Variants in NRG1 observed in about 807,000 individuals in gnomAD.
NRG1 encodes neuregulin 1, also known as pro-neuregulin-1, membrane-bound isoform.
Under a neutral mutation model 63.8 loss-of-function variants are expected in NRG1, and 18 were observed. The ratio of observed to expected loss-of-function variants is 0.28; its 90% CI spans 0.19 to 0.42. The LOEUF (loss-of-function observed/expected upper bound fraction) is 0.42. Ranked by LOEUF, NRG1 falls within the 10% of genes least tolerant of loss-of-function variation. The probability of loss-of-function intolerance (pLI) is 1.00; values close to 1 mark genes in which losing one functional copy is unlikely to be tolerated. For synonymous variants in NRG1, 302 were observed against 301.3 expected (o/e 1.00, Z -0.02); for missense variants, 762 against 814.7 (o/e 0.94, Z 0.79).
Position 31,754,013 on chromosome 8 carries a change from T to C in NRG1, c.37+114582T>C, listed in dbSNP as rs532634555. 7.2e-5 allele frequency among the ~76,000 whole-genome samples: 11 copies of C among 152,250 alleles called. No homozygotes were observed. The East Asian group carries it at 1.9e-3, about 27-fold the overall frequency. On this transcript the variant is annotated intron_variant, in intron 1 of 10. Transcript: ENST00000519301. ...CTAACAACTTAAAGATGTTAAAGTA[T>C]GTTGTTCACATCTGCCTCAATATAA... is the stretch of plus-strand genomic sequence containing the variant.
intron 1 of NRG1, among the ~76,000 whole-genome samples, chr8:32,353,445 T>A (rs1299423048): frequency 6.6e-6 from 1 of 151,972 alleles, no homozygotes; most frequent in Non-Finnish European, 1.5e-5. Context: ...TAATGAAACA[T>A]TATATTTTAA....
At chr8:32,679,486 G>A (rs907172656) in intron 5 of NRG1, among the ~76,000 whole-genome samples, 8 of 151,984 alleles carry the variant, frequency 5.3e-5, no homozygotes, top group Non-Finnish European at 1.2e-4. Context: ...AAAAAATTAA[G>A]CATTTAGCTC....
At chr8:32,214,554 G>T (rs1739330883) in intron 1 of NRG1, among the ~76,000 whole-genome samples, 1 of 152,024 alleles carries the variant, frequency 6.6e-6, no homozygotes, top group Admixed American at 6.6e-5. Flanking sequence ...GAGGTGGGAG[G>T]ATCACTTGAT....
At chr8:32,470,325 C>T (rs1263807207) in intron 1 of NRG1, among the ~76,000 whole-genome samples, 2 of 151,918 alleles carry the variant, frequency 1.3e-5, no homozygotes, top group South Asian at 2.1e-4. Context: ...GGACTACAGG[C>T]GCCCGCCACC....
At chr8:31,799,732 A>G (rs530467004) in intron 1 of NRG1, among the ~76,000 whole-genome samples, 19 of 152,160 alleles carry the variant, frequency 1.2e-4, no homozygotes, top group Non-Finnish European at 2.5e-4. Context: ...GTATGCATAG[A>G]TATATGTACG....
At chr8:32,087,868 T>A (rs1302357049) in intron 1 of NRG1, among the ~76,000 whole-genome samples, 3 of 152,232 alleles carry the variant, frequency 2.0e-5, no homozygotes, top group African/African-American at 7.2e-5. Context: ...TAGTGTGATG[T>A]CTTCCAGGCA....
chr8:31,941,313 T>A (rs1457768810), intron 1 of NRG1, among the ~76,000 whole-genome samples: 3 of 152,070 alleles, frequency 2.0e-5, no homozygotes, highest in Non-Finnish European at 2.9e-5. Flanking sequence ...ATTGTCTCAA[T>A]AGACACAGAA....
intron 1 of NRG1, among the ~76,000 whole-genome samples, chr8:32,331,387 T>C (rs962791756): frequency 1.7e-5 from 2 of 118,090 alleles, no homozygotes; most frequent in East Asian, 2.4e-4. Context: ...AAAAAATAGC[T>C]GGGTGTGGTG....
At chr8:32,124,910 A>C (rs1372403645) in intron 1 of NRG1, among the ~76,000 whole-genome samples, 1 of 151,884 alleles carries the variant, frequency 6.6e-6, no homozygotes, top group Non-Finnish European at 1.5e-5. Flanking sequence ...ACATGGGAAA[A>C]TAGACACTAC....
chr8:32,144,564 A>G (rs1229052307), intron 1 of NRG1, among the ~76,000 whole-genome samples: 1 of 152,154 alleles, frequency 6.6e-6, no homozygotes, highest in Non-Finnish European at 1.5e-5. Flanking sequence ...CAGGTAATTC[A>G]CCTATCACTA....
At chr8:32,439,789 G>A (rs1229273983) in intron 1 of NRG1, among the ~76,000 whole-genome samples, 2 of 86,710 alleles carry the variant, frequency 2.3e-5, no homozygotes, top group Non-Finnish European at 4.8e-5. Flanking sequence ...TTTTTTTTTT[G>A]AGGCAGGGTC....
At chr8:32,175,288 A>G (rs983511503) in intron 1 of NRG1, among the ~76,000 whole-genome samples, 1 of 152,226 alleles carries the variant, frequency 6.6e-6, no homozygotes, top group Admixed American at 6.5e-5. Flanking sequence ...ACAACTCTTC[A>G]TGCTAAAAAC....
chr8:31,828,285 T>C (rs761088133), intron 1 of NRG1, among the ~76,000 whole-genome samples: 4 of 152,334 alleles, frequency 2.6e-5, no homozygotes, highest in East Asian at 1.9e-4. Flanking sequence ...GTGACTGTAG[T>C]AGTTTGGGAA....
chr8:31,889,415 A>T (rs796110063), intron 1 of NRG1, among the ~76,000 whole-genome samples: 5 of 152,296 alleles, frequency 3.3e-5, no homozygotes, highest in African/African-American at 1.2e-4. Flanking sequence ...CCCTTCAAAC[A>T]TCCCATGGAA....
At chr8:31,950,020 T>G (rs1803223219) in intron 1 of NRG1, among the ~76,000 whole-genome samples, 1 of 152,214 alleles carries the variant, frequency 6.6e-6, no homozygotes, top group Non-Finnish European at 1.5e-5. Flanking sequence ...TCCCACTTTT[T>G]CCTTCTATCC....
At chr8:32,388,973 A>G (rs1439618463) in intron 1 of NRG1, among the ~76,000 whole-genome samples, 1 of 152,220 alleles carries the variant, frequency 6.6e-6, no homozygotes, top group Non-Finnish European at 1.5e-5. Context: ...TGCTTTAAAA[A>G]TTCATATTAG....
chr8:32,723,688 C>CAAAA (rs530225180), intron 5 of NRG1, among the ~76,000 whole-genome samples: 11 of 33,848 alleles, frequency 3.2e-4, no homozygotes, highest in East Asian at 1.6e-3. Flanking sequence ...GACTCCATCT[C>CAAAA]AAAAAAAAAA....
At chr8:32,005,143 A>C (rs1374520660) in intron 1 of NRG1, among the ~76,000 whole-genome samples, 1 of 150,748 alleles carries the variant, frequency 6.6e-6, no homozygotes, top group Admixed American at 6.6e-5. Context: ...GGAAGAGAGG[A>C]AGGAAGGAGG....
At chr8:31,978,739 G>T (rs1219870625) in intron 1 of NRG1, among the ~76,000 whole-genome samples, 2 of 152,082 alleles carry the variant, frequency 1.3e-5, no homozygotes, top group Admixed American at 6.6e-5. Context: ...CACCCTGTTT[G>T]CCAGATGTTA....
Sources: gnomAD v4.1 joint callset for allele counts (sites outside exome capture counted in the v4.1 genomes callset) on GRCh38, gnomAD v4.1.1 for gene constraint, MANE v1.5 for transcripts, NCBI Gene and HGNC (gene_info 2026-07-23, HGNC 2026-07-21) for gene names.